The following IFIH1 variants were observed in gnomAD, a reference collection of about 807,000 sequenced individuals.
The protein encoded by IFIH1 is interferon-induced helicase C domain-containing protein 1.
Under a neutral mutation model 107.4 loss-of-function variants are expected in IFIH1, and 125 were observed. That is an observed-to-expected ratio of 1.16 (90% CI 1.01 to 1.35). The LOEUF is 1.35. IFIH1 is among the 40% of genes most tolerant of loss of function. The probability of loss-of-function intolerance (pLI) is 0.00; values close to 1 mark genes in which losing one functional copy is unlikely to be tolerated. For missense variants in IFIH1, 1,333 were observed against 1,213.7 expected, an observed-to-expected ratio of 1.10 and a Z score of -1.46; for synonymous variants, 458 against 413.2, an observed-to-expected ratio of 1.11 and a Z score of -1.31.
At chr2:162,286,065 C>T (rs1404034974) in intron 5 of IFIH1, among the ~76,000 whole-genome samples, 3 of 151,976 alleles carry the variant, frequency 2.0e-5, no homozygotes, top group East Asian at 3.9e-4. Context: ...TAGTATTTTG[C>T]CCAACTCTGG....
chr2:162,270,360 T>G (rs1007087999), intron 13 of IFIH1, among the ~76,000 whole-genome samples: 1 of 152,242 alleles, frequency 6.6e-6, no homozygotes, highest in Non-Finnish European at 1.5e-5. Context: ...TTTCATCTTA[T>G]CTGTCAATTC....
intron 5 of IFIH1, among the ~76,000 whole-genome samples, chr2:162,282,980 C>G (rs1469161692): frequency 6.6e-6 from 1 of 151,072 alleles, no homozygotes; most frequent in Non-Finnish European, 1.5e-5. Context: ...GAATTTGAAT[C>G]TAGTAAGCCA....
At chr2:162,283,519 C>T (rs1223486691) in intron 5 of IFIH1, among the ~76,000 whole-genome samples, 1 of 151,980 alleles carries the variant, frequency 6.6e-6, no homozygotes, top group Non-Finnish European at 1.5e-5. Context: ...AATGGAAGCC[C>T]AGCAGTGTAC....
Position 162,281,335 on chromosome 2 carries a change from A to G in IFIH1, c.1517T>C (p.Ile506Thr). ...ATKQAKAEEH[I>T]LKLCANLDAF... Reference sequence around the variant, plus strand: ...CATAAAATTATGACTTACTTTTAAAATGTGTTCTTCAGCTTTGGCTTGCTT... The same window carrying G: ...CATAAAATTATGACTTACTTTTAAAGTGTGTTCTTCAGCTTTGGCTTGCTT... Residue 506 changes from isoleucine (I) to threonine (T), a missense_variant, in exon 7 of 16, where the codon ATT becomes ACT. Transcript: ENST00000649979. 1 of 1,611,274 alleles carries G rather than the reference A, an allele frequency of 6.2e-7. No homozygotes were observed. The highest frequency in any genetic ancestry group is 8.5e-7 in the Non-Finnish European group (1 of 1,178,274).
At chr2:162,299,608 G>A (rs1467303696) in intron 3 of IFIH1, among the ~76,000 whole-genome samples, 3 of 152,020 alleles carry the variant, frequency 2.0e-5, no homozygotes, top group South Asian at 2.1e-4. Flanking sequence ...CAGTTCCAGC[G>A]CTCTGCTAGA....
rs1362235922 is a variant in IFIH1, at chr2:162,268,078, T to C, written c.2807+9A>G. 11 of 1,578,484 alleles carry C rather than the reference T, an allele frequency of 7.0e-6. No homozygotes were observed. The highest frequency in any genetic ancestry group is 8.6e-6 in the Non-Finnish European group (10 of 1,162,606). The stretch of plus-strand genomic sequence containing the variant: ...GGAAAAATGTAAAAATGGGTCTTTC[T>C]GGACTCACTTGAATTCTGGGGTCAT... On this transcript the variant is annotated intron_variant, in intron 14 of 15. Transcript: ENST00000649979.
intron 1 of IFIH1, among the ~76,000 whole-genome samples, chr2:162,317,311 G>T (rs1046928164): frequency 6.6e-6 from 1 of 151,828 alleles, no homozygotes; most frequent in Non-Finnish European, 1.5e-5. Context: ...TTAGCCTGTG[G>T]GCCTGAAAAA....
At chr2:162,282,044 A>G (rs934386122) in intron 6 of IFIH1, among the ~76,000 whole-genome samples, 7 of 151,878 alleles carry the variant, frequency 4.6e-5, no homozygotes, top group African/African-American at 1.7e-4. Flanking sequence ...CCTATACCCC[A>G]TAAAAGACAA....
rs747926684 is a variant in IFIH1 at position 162,272,378 on chromosome 2, G to T, written c.2464C>A (p.Arg822=). 3 of 1,611,524 alleles carry T rather than the reference G, an allele frequency of 1.9e-6. No homozygotes were observed. The African/African-American group carries it at 4.0e-5, about 22-fold the overall frequency. The part of the protein sequence containing the change: ...NEIAMVQARG[R]ARADESTYVL... ...TAGGTGCTCTCATCAGCTCTGGCTC[G>T]ACCACGGGCCTGAAAACACAAATAA... The change falls in exon 13 of 16, where the codon CGA becomes AGA. Residue 822 remains arginine (R), a synonymous_variant. Coordinates refer to ENST00000649979, the MANE Select transcript of IFIH1 (RefSeq NM_022168.4).
intron 1 of IFIH1, among the ~76,000 whole-genome samples, chr2:162,314,323 G>T (rs957078806): frequency 4.6e-5 from 7 of 151,486 alleles, no homozygotes; most frequent in African/African-American, 1.7e-4. Context: ...ATAGTCCCTT[G>T]TATACAGTAG....
chr2:162,288,384 G>C (rs74162078), intron 4 of IFIH1, 29 bp from the exon 5 acceptor site: 114 of 1,544,342 alleles, frequency 7.4e-5, no homozygotes, highest in Non-Finnish European at 9.7e-5. Flanking sequence ...AAAAATAAGA[G>C]AAGGGACAAC....
At chr2:162,308,169 T>C (rs1203374832) in intron 2 of IFIH1, among the ~76,000 whole-genome samples, 1 of 152,144 alleles carries the variant, frequency 6.6e-6, no homozygotes, top group East Asian at 1.9e-4. Flanking sequence ...TTTCTCACAG[T>C]TCTGGGCACT....
intron 2 of IFIH1, among the ~76,000 whole-genome samples, chr2:162,309,163 A>G (rs1683346092): frequency 6.6e-6 from 1 of 152,226 alleles, no homozygotes; most frequent in Non-Finnish European, 1.5e-5. Flanking sequence ...ATAAGGCTTG[A>G]GAATAGCTCT....
At chr2:162,273,588 C>T (rs1480824009) in intron 12 of IFIH1, among the ~76,000 whole-genome samples, 1 of 152,144 alleles carries the variant, frequency 6.6e-6, no homozygotes, top group Non-Finnish European at 1.5e-5. Context: ...GTTGTTTAAA[C>T]ATACAACAGG....
At chr2:162,303,914 C>T (rs1683235290) in intron 3 of IFIH1, among the ~76,000 whole-genome samples, 1 of 152,110 alleles carries the variant, frequency 6.6e-6, no homozygotes, top group African/African-American at 2.4e-5. Context: ...ATCTTCCCTT[C>T]TTTCTAGTGT....
chr2:162,276,588 G>A, intron 11 of IFIH1, 99 bp downstream of exon 11: 2 of 1,313,106 alleles, frequency 1.5e-6, no homozygotes, highest in Non-Finnish European at 2.1e-6. Flanking sequence ...CTGAGTGACA[G>A]AGCGAGGCCT....
intron 5 of IFIH1, among the ~76,000 whole-genome samples, chr2:162,284,174 TTC>T (rs1344018342): frequency 2.0e-5 from 3 of 151,892 alleles, no homozygotes; most frequent in Non-Finnish European, 4.4e-5. Context: ...AGCTCTGCTC[TTC>T]TCTCTCTCTT....
At chr2:162,268,050 T>C (rs762488383) in intron 14 of IFIH1, 37 bp downstream of exon 14, 6 of 1,464,762 alleles carry the variant, frequency 4.1e-6, no homozygotes, top group Non-Finnish European at 4.6e-6. Flanking sequence ...CTTCACCCCT[T>C]GTGGAAAAAT....
At chr2:162,314,521 C>T (rs1326104680) in intron 1 of IFIH1, among the ~76,000 whole-genome samples, 3 of 149,230 alleles carry the variant, frequency 2.0e-5, no homozygotes, top group Admixed American at 6.7e-5. Context: ...TGGAGTCTCG[C>T]TCTGTCACCA....
Sources: allele counts gnomAD v4.1 joint callset (sites outside exome capture counted in the v4.1 genomes callset), GRCh38; gene constraint gnomAD v4.1.1; transcripts MANE v1.5; gene names NCBI Gene and HGNC (gene_info 2026-07-23, HGNC 2026-07-21).